Variants in DNAAF5 observed in about 807,000 individuals in gnomAD.
DNAAF5 encodes dynein axonemal assembly factor 5.
DNAAF5 carries 64 observed loss-of-function variants against 75.8 expected under a neutral mutation model. The ratio of observed to expected loss-of-function variants is 0.84; its 90% CI spans 0.69 to 1.04. DNAAF5 has a LOEUF of 1.04. Among genes scored for constraint, DNAAF5 ranks in the 50% least tolerant of loss-of-function variants. The pLI is 0.00. For missense variants in DNAAF5, 1,269 were observed against 1,178.5 expected, an observed-to-expected ratio of 1.08 and a Z score of -1.12; for synonymous variants, 657 against 557.2, an observed-to-expected ratio of 1.18 and a Z score of -2.52.
At chr7:780,170 G>A (rs1257724809) in intron 12 of DNAAF5, 26 bp downstream of exon 12, 40 of 1,603,730 alleles carry the variant, frequency 2.5e-5, no homozygotes, top group Non-Finnish European at 3.2e-5. Flanking sequence ...CTTGGCCTTC[G>A]TTCCGATGCC....
Position 741,383 on chromosome 7 carries a change from G to T in DNAAF5, c.942G>T (p.Leu314=), listed in dbSNP as rs541436923. 11 of 1,584,964 alleles carry T rather than the reference G, an allele frequency of 6.9e-6. No homozygotes were observed. The highest frequency in any genetic ancestry group is 5.5e-5 in the Admixed American group (3 of 54,884). ...CCAGCCTCTGGGAGGACGTTGGCCT[G>T]CAGTGGCAGAAGGAGAATGAGGAGG... ...LAASLWEDVG[L]QWQKENEEDL... Residue 314 remains leucine (L), a synonymous_variant, in exon 4 of 13, where the codon CTG becomes CTT. Transcript: ENST00000297440.
chr7:752,860 C>G (rs1782352223), intron 4 of DNAAF5, among the ~76,000 whole-genome samples: 1 of 152,226 alleles, frequency 6.6e-6, no homozygotes, highest in Admixed American at 6.5e-5. Flanking sequence ...GCTCTTGAAA[C>G]TCAGCAGGAA....
intron 12 of DNAAF5, among the ~76,000 whole-genome samples, chr7:781,692 T>TG (rs1778950869): frequency 6.6e-6 from 1 of 152,214 alleles, no homozygotes; most frequent in African/African-American, 2.4e-5. Flanking sequence ...CCATTTTAAC[T>TG]GGGGTCAGAG....
intron 5 of DNAAF5, among the ~76,000 whole-genome samples, chr7:755,712 C>T (rs892869121): frequency 4.6e-5 from 7 of 152,244 alleles, no homozygotes; most frequent in South Asian, 2.1e-4. Context: ...GCCTGGGCGA[C>T]GGAATGAGAC....
chr7:754,449 G>A lies in DNAAF5; in HGVS notation c.1025-140G>A. ...GTTCTGAACGACGGGGCATTTGTCA[G>A]CTTTGCGTCCACCCCAAGACTTGTT... On this transcript the variant is annotated intron_variant, in intron 4 of 12. Transcript: ENST00000297440. The surrounding 1 kb of genome is among the most constrained non-coding windows in gnomAD (Gnocchi z 4.8). 1 of 756,670 alleles carries A rather than the reference G, an allele frequency of 1.3e-6. No homozygotes were observed. Among genetic ancestry groups the A allele is most frequent in the Non-Finnish European group, 2.3e-6 (1 of 435,108 alleles). The allele number at this position is 756,670 out of a possible 1,614,324, so 46.9% of individuals were successfully genotyped here. A position where few individuals can be genotyped will look rare whatever the true frequency, so the allele number is the denominator to read the frequency against.
Position 726,748 on chromosome 7 carries a change from G to C in DNAAF5, c.28G>C (p.Val10Leu), listed in dbSNP as rs577934097. ...GGCGGCGCTGGGGGTGGCGGAGGCC[G>C]TGGCGGCCCCACACCCGGCTGAGGG... is the stretch of plus-strand genomic sequence containing the variant. MAALGVAEA[V>L]AAPHPAEGAE... The change falls in exon 1 of 13, where the codon GTG (valine) becomes CTG (leucine). Residue 10 changes from valine to leucine, a missense_variant. By Grantham distance (32) the Val-to-Leu change is conservative. Coordinates refer to ENST00000297440, the MANE Select transcript of DNAAF5 (RefSeq NM_017802.4). 6.9e-5 allele frequency: 86 copies of C among 1,245,878 alleles called. No individual in the cohort carries two copies. The highest frequency in any genetic ancestry group is 7.8e-5 in the Non-Finnish European group (78 of 996,412). The allele number at this position is 1,245,878 out of a possible 1,614,324, so 77.2% of individuals were successfully genotyped here. A position where few individuals can be genotyped will look rare whatever the true frequency, so the allele number is the denominator to read the frequency against.
chr7:761,614 A>T, intron 6 of DNAAF5, 139 bp from the exon 7 acceptor site: 1 of 808,648 alleles, frequency 1.2e-6, no homozygotes, highest in African/African-American at 1.7e-5. Flanking sequence ...GGAAAGACCC[A>T]CCCCCATGAT....
intron 1 of DNAAF5, among the ~76,000 whole-genome samples, chr7:728,276 C>A (rs1229820568): frequency 6.6e-6 from 1 of 152,160 alleles, no homozygotes. Context: ...AACACTGATG[C>A]TATAAATCCG....
intron 8 of DNAAF5, among the ~76,000 whole-genome samples, chr7:764,176 G>C (rs1782751479): frequency 2.0e-5 from 3 of 152,240 alleles, no homozygotes; most frequent in South Asian, 4.1e-4. Context: ...GTGGGACGCA[G>C]CTCTTCCACT....
intron 7 of DNAAF5, 58 bp from the exon 8 acceptor site, chr7:763,747 CA>C (rs1243032819): frequency 3.8e-6 from 6 of 1,566,380 alleles, no homozygotes; most frequent in Non-Finnish European, 5.2e-6. Flanking sequence ...TCCCAGCAGG[CA>C]GGCAGGCTTG....
At chr7:745,478 G>A (rs999248787) in intron 4 of DNAAF5, among the ~76,000 whole-genome samples, 2 of 152,164 alleles carry the variant, frequency 1.3e-5, no homozygotes, top group African/African-American at 2.4e-5. Flanking sequence ...ACACACCTGT[G>A]CACACATGTA....
intron 8 of DNAAF5, among the ~76,000 whole-genome samples, chr7:764,566 C>T (rs1020489875): frequency 3.3e-5 from 5 of 152,190 alleles, no homozygotes; most frequent in African/African-American, 7.2e-5. Context: ...TTTGCCTCCC[C>T]GGCCCTCCCG....
chr7:775,744 T>G lies in DNAAF5; in HGVS notation c.2239+582T>G, dbSNP rs116886995. 1.4e-3 allele frequency among the ~76,000 whole-genome samples: 213 copies of G among 152,320 alleles called. 9 individuals carry two copies. The East Asian group carries it at 0.037, about 26-fold the overall frequency. On this transcript the variant is annotated intron_variant, in intron 11 of 12. Coordinates refer to ENST00000297440, the MANE Select transcript of DNAAF5 (RefSeq NM_017802.4). ...CATTGCATTCGGCCTTAAAACAACA[T>G]TGGACCCTCGTGAAGGAAGCGTCGT...
chr7:742,154 C>T (rs1214443860), intron 4 of DNAAF5, among the ~76,000 whole-genome samples: 5 of 152,200 alleles, frequency 3.3e-5, no homozygotes, highest in Non-Finnish European at 7.4e-5. Flanking sequence ...AAACCGCCCT[C>T]CTCTCGCGGG....
intron 8 of DNAAF5, chr7:769,001 C>G: frequency 1.6e-6 from 1 of 608,132 alleles, no homozygotes; most frequent in South Asian, 1.9e-5. Context: ...GCAACGCCTC[C>G]TGCCCGGCTG....
chr7:754,867 C>T lies in DNAAF5; in HGVS notation c.1257+46C>T, dbSNP rs985806484. On this transcript the variant is annotated intron_variant, in intron 5 of 12. Coordinates refer to ENST00000297440, the MANE Select transcript of DNAAF5 (RefSeq NM_017802.4). The surrounding 1 kb of genome is among the most constrained non-coding windows in gnomAD (Gnocchi z 4.8). The stretch of plus-strand genomic sequence containing the variant: ...CGTGGTCGCGGAGCTGTAACTCGAG[C>T]TTAAGATCCCGCCTCTGTGGTGTGC... 25 of 1,394,560 alleles carry T rather than the reference C, an allele frequency of 1.8e-5. No individual in the cohort carries two copies. The highest frequency in any genetic ancestry group is 4.0e-5 in the Admixed American group (2 of 49,732). The allele number at this position is 1,394,560 out of a possible 1,614,324, so 86.4% of individuals were successfully genotyped here.
chr7:727,550 G>C lies in DNAAF5; in HGVS notation c.595+235G>C, dbSNP rs1358035139. ...CCCTGCCTCACGTCCCGCCACCAAC[G>C]CGCCCTTCAGCTGCTCCCTTGTCCT... On this transcript the variant is annotated intron_variant, in intron 1 of 12. Coordinates refer to ENST00000297440, the MANE Select transcript of DNAAF5 (RefSeq NM_017802.4). The C allele has an allele frequency of 2.3e-5, 6 of 255,820 alleles. No homozygotes were observed. In the East Asian group the frequency reaches 4.1e-4, roughly 17 times the overall value. 15.8% of individuals were successfully genotyped at this position (255,820 alleles called of 1,614,324 possible).
rs1304899364 is a variant in DNAAF5 at position 726,864 on chromosome 7, C to T, written c.144C>T (p.Arg48=). The part of the protein sequence containing the change: ...LEADSKPGRR[R]ALEALRRALE... ...CCGACAGCAAGCCGGGCCGGCGGCG[C>T]GCCTTGGAGGCCCTGCGGCGCGCGC... The change falls in exon 1 of 13, where the codon CGC becomes CGT. Residue 48 remains arginine (R), a synonymous_variant. Transcript: ENST00000297440. 2.3e-6 allele frequency: 3 copies of T among 1,317,234 alleles called. No homozygotes were observed. Among genetic ancestry groups the T allele is most frequent in the Admixed American group, 3.8e-5 (1 of 26,070 alleles). The allele number at this position is 1,317,234 out of a possible 1,614,324, so 81.6% of individuals were successfully genotyped here. A position where few individuals can be genotyped will look rare whatever the true frequency, so the allele number is the denominator to read the frequency against.
At chr7:767,872 A>G (rs1245803264) in intron 8 of DNAAF5, among the ~76,000 whole-genome samples, 1 of 149,210 alleles carries the variant, frequency 6.7e-6, no homozygotes, top group African/African-American at 2.5e-5. Flanking sequence ...CTGGGAGGGC[A>G]GACACATGGT....
Sources: allele counts gnomAD v4.1 joint callset (sites outside exome capture counted in the v4.1 genomes callset), GRCh38; gene constraint gnomAD v4.1.1; non-coding constraint Gnocchi (gnomAD v3.1); transcripts MANE v1.5; gene names NCBI Gene and HGNC (gene_info 2026-07-23, HGNC 2026-07-21).